Variants in TENM3 observed in about 807,000 individuals in gnomAD.
TENM3 encodes teneurin transmembrane protein 3, also known as teneurin-3.
In TENM3, 63 loss-of-function variants were observed where a neutral mutation model predicts 255.1. The observed-to-expected ratio is 0.25, with a 90% CI of 0.20 to 0.30. The LOEUF is 0.30. Ranked by LOEUF, TENM3 falls within the 10% of genes least tolerant of loss-of-function variation. The pLI, the probability that TENM3 is intolerant of heterozygous loss-of-function variation, is 1.00. For synonymous variants in TENM3, 1,306 were observed against 1,322.3 expected, an observed-to-expected ratio of 0.99 and a Z score of 0.27; for missense variants, 2,929 against 3,461.1, an observed-to-expected ratio of 0.85 and a Z score of 3.86.
intron 19 of TENM3, among the ~76,000 whole-genome samples, chr4:182,744,755 T>G (rs922748343): frequency 6.6e-5 from 10 of 152,312 alleles, no homozygotes; most frequent in Admixed American, 2.6e-4. Flanking sequence ...ATTACTAGAT[T>G]TAAGAAGTAA....
chr4:181,671,780 G>A, the TENM3 span, among the ~76,000 whole-genome samples: 5 of 151,802 alleles, frequency 3.3e-5, no homozygotes, highest in South Asian at 2.1e-4. Flanking sequence ...CCTGCCATGA[G>A]CAAAGGGCTT....
chr4:182,796,821 C>T, intron 27 of TENM3, 54 bp downstream of exon 27: 1 of 1,419,218 alleles, frequency 7.0e-7, no homozygotes, highest in East Asian at 2.4e-5. Context: ...GTCTTATCTA[C>T]CCATATCTAA....
the TENM3 span, among the ~76,000 whole-genome samples, chr4:181,924,330 G>A: frequency 6.6e-6 from 1 of 152,158 alleles, no homozygotes; most frequent in African/African-American, 2.4e-5. Flanking sequence ...GAGTGTTGAA[G>A]TCCTTTGTTT....
At chr4:182,568,899 T>C (rs1282878529) in intron 3 of TENM3, among the ~76,000 whole-genome samples, 1 of 152,194 alleles carries the variant, frequency 6.6e-6, no homozygotes, top group Non-Finnish European at 1.5e-5. Context: ...ACTGTATGAT[T>C]CCAGTTACTT....
chr4:181,678,016 A>C, the TENM3 span, among the ~76,000 whole-genome samples: 1 of 152,116 alleles, frequency 6.6e-6, no homozygotes, highest in Admixed American at 6.6e-5. Flanking sequence ...AATTTATCTC[A>C]GTCAGATATT....
At chr4:182,004,742 T>A in the TENM3 span, among the ~76,000 whole-genome samples, 1 of 152,198 alleles carries the variant, frequency 6.6e-6, no homozygotes, top group Non-Finnish European at 1.5e-5. Flanking sequence ...ATCTATTATT[T>A]CCTGACTTTT....
At chr4:181,563,801 T>C in the TENM3 span, among the ~76,000 whole-genome samples, 1 of 152,206 alleles carries the variant, frequency 6.6e-6, no homozygotes, top group Non-Finnish European at 1.5e-5. Context: ...AAGTGAGATA[T>C]GTGTAGCATG....
chr4:182,289,001 G>A (rs1181624979), intron 1 of TENM3, among the ~76,000 whole-genome samples: 1 of 152,148 alleles, frequency 6.6e-6, no homozygotes, highest in Non-Finnish European at 1.5e-5. Context: ...GAGGCAGGAG[G>A]ATCGCTTGAA....
rs138227225 is a variant in TENM3 at position 182,423,625 on chromosome 4, C to T, written c.511+76696C>T. ...AAATACTCTTTTTTAAAAAAATACA[C>T]GCAAAGCTTCATATGTTAATACCCC... On this transcript the variant is annotated intron_variant, in intron 3 of 27. Transcript: ENST00000511685. Among the ~76,000 whole-genome samples the T allele has an allele frequency of 4.6e-4, 70 of 152,156 alleles. No individual in the cohort carries two copies. In the East Asian group the frequency reaches 0.013, roughly 27 times the overall value.
chr4:182,102,986 A>G, the TENM3 span, among the ~76,000 whole-genome samples: 1 of 152,266 alleles, frequency 6.6e-6, no homozygotes, highest in Non-Finnish European at 1.5e-5. Flanking sequence ...TTAAGGAGAC[A>G]GTATTAAAGA....
chr4:182,356,579 G>T (rs73011449), intron 3 of TENM3, among the ~76,000 whole-genome samples: 226 of 152,204 alleles, frequency 1.5e-3, no homozygotes, highest in African/African-American at 5.3e-3. Context: ...CAACAAGAAG[G>T]TGGAGTAGAG....
chr4:182,128,271 C>A, the TENM3 span, among the ~76,000 whole-genome samples: 1 of 151,502 alleles, frequency 6.6e-6, no homozygotes, highest in African/African-American at 2.4e-5. Context: ...TGAGTATCTT[C>A]TTGTAGTTAT....
chr4:182,419,345 G>A (rs927653140), intron 3 of TENM3, among the ~76,000 whole-genome samples: 3 of 152,142 alleles, frequency 2.0e-5, no homozygotes, highest in African/African-American at 7.2e-5. Flanking sequence ...AGTTCGAATG[G>A]CAATCATTAA....
At chr4:182,547,276 T>C (rs536616590) in intron 3 of TENM3, among the ~76,000 whole-genome samples, 1 of 152,290 alleles carries the variant, frequency 6.6e-6, no homozygotes, top group East Asian at 1.9e-4. Flanking sequence ...TAGAGTATAA[T>C]GTTTTATAGA....
At chr4:181,839,280 T>C in the TENM3 span, among the ~76,000 whole-genome samples, 1 of 147,016 alleles carries the variant, frequency 6.8e-6, no homozygotes, top group Non-Finnish European at 1.5e-5. Context: ...CCCAGACTTA[T>C]AGTTGTTAGC....
At chr4:182,600,196 C>T (rs1393308965) in intron 3 of TENM3, among the ~76,000 whole-genome samples, 1 of 152,162 alleles carries the variant, frequency 6.6e-6, no homozygotes, top group East Asian at 1.9e-4. Flanking sequence ...AGTTACACTG[C>T]TTACTGTGAA....
rs140019127 is a variant in TENM3, at chr4:182,797,314, C to G, written c.7344+547C>G. On this transcript the variant is annotated intron_variant, in intron 27 of 27. Transcript: ENST00000511685. The stretch of plus-strand genomic sequence containing the variant: ...ATTAGCCCGGCATGGTGGGGCATGC[C>G]TGTTATCCCAGCTACTCAGGAGGCT... 3.0e-3 allele frequency among the ~76,000 whole-genome samples: 458 copies of G among 152,130 alleles called. 3 individuals carry two copies. The highest frequency in any genetic ancestry group is 0.01 in the African/African-American group (429 of 41,486).
Position 182,793,012 on chromosome 4 carries a change from A to C in TENM3, c.6340A>C (p.Lys2114Gln), listed in dbSNP as rs1443846782. The change falls in exon 26 of 28, where the codon AAG becomes CAG. Residue 2114 changes from lysine to glutamine, a missense_variant. This residue lies in a region of TENM3 where 256 missense variants were observed against 389.3 expected (regional missense o/e 0.66). Transcript: ENST00000511685. This position sits in a 1 kb window ranked among gnomAD's most constrained non-coding sequence, Gnocchi z 5.7. ...IQYDNMGRVT[K>Q]REIKIGPFAN... ...GTATGATAACATGGGTCGGGTAACC[A>C]AGAGAGAGATTAAAATAGGGCCCTT... 1 of 1,613,848 alleles carries C rather than the reference A, an allele frequency of 6.2e-7. No individual in the cohort carries two copies. Among genetic ancestry groups the C allele is most frequent in the Non-Finnish European group, 8.5e-7 (1 of 1,179,872 alleles).
intron 1 of TENM3, among the ~76,000 whole-genome samples, chr4:182,189,817 C>T (rs1753399376): frequency 6.6e-6 from 1 of 152,180 alleles, no homozygotes; most frequent in Non-Finnish European, 1.5e-5. Flanking sequence ...GGTGGCCTTC[C>T]TGAGAACTGA....
Sources: gnomAD v4.1 joint callset for allele counts (sites outside exome capture counted in the v4.1 genomes callset) on GRCh38, gnomAD v4.1.1 for gene constraint, gnomAD v4.1.1 regional missense constraint, Gnocchi (gnomAD v3.1) non-coding constraint, MANE v1.5 for transcripts, NCBI Gene and HGNC (gene_info 2026-07-23, HGNC 2026-07-21) for gene names.